Variants in MAGI2 observed in about 807,000 individuals in gnomAD.
The protein encoded by MAGI2 is membrane associated guanylate kinase, WW and PDZ domain containing 2, also known as membrane-associated guanylate kinase, WW and PDZ domain-containing protein 2.
MAGI2 carries 35 observed loss-of-function variants against 133.3 expected under a neutral mutation model. The ratio of observed to expected loss-of-function variants is 0.26; its 90% CI spans 0.20 to 0.35. MAGI2 has a LOEUF of 0.35. Among genes scored for constraint, MAGI2 ranks in the 10% least tolerant of loss-of-function variants. The pLI is 1.00. For missense variants in MAGI2, 1,636 were observed against 1,863.4 expected (o/e 0.88, Z 2.25); for synonymous variants, 729 against 710.6 (o/e 1.03, Z -0.41).
At chr7:78,872,462 C>G (rs899287238) in intron 2 of MAGI2, among the ~76,000 whole-genome samples, 1 of 152,078 alleles carries the variant, frequency 6.6e-6, no homozygotes, top group Non-Finnish European at 1.5e-5. Flanking sequence ...ATTCAACATA[C>G]ATTCTTTGAA....
In MAGI2 at chr7:78,053,091, C is replaced by G. The variant is rs138082617; in HGVS notation, c.3706+25856G>C. On this transcript the variant is annotated intron_variant, in intron 21 of 21. Coordinates refer to ENST00000354212, the MANE Select transcript of MAGI2 (RefSeq NM_012301.4). ...TTTTAAAAAGAGAATTATTTTACCT[C>G]TTTTGATTATTTTCTGTTTTTGAGG... is the stretch of plus-strand genomic sequence containing the variant. 4.9e-3 allele frequency among the ~76,000 whole-genome samples: 744 copies of G among 152,216 alleles called. 4 individuals are homozygous for G. The highest frequency in any genetic ancestry group is 0.018 in the African/African-American group (728 of 41,520).
chr7:79,150,745 G>A (rs1281281365), intron 1 of MAGI2, among the ~76,000 whole-genome samples: 3 of 151,734 alleles, frequency 2.0e-5, no homozygotes, highest in African/African-American at 7.3e-5. Flanking sequence ...ATTTCAGGAT[G>A]TCAAGCTTGA....
In MAGI2 at chr7:78,095,133, G is replaced by A. The variant is rs73706516; in HGVS notation, c.3568-16048C>T. ...TTGTGCCAGGTCATGTTAGATGCTG[G>A]GGATAGGGTAAGAAGACATCAAGGA... On this transcript the variant is annotated intron_variant, in intron 20 of 21. Transcript: ENST00000354212. 6.8e-3 allele frequency among the ~76,000 whole-genome samples: 1,038 copies of A among 152,284 alleles called. 13 individuals are homozygous for A. The highest frequency in any genetic ancestry group is 0.023 in the African/African-American group (973 of 41,550).
rs148891844 is a variant in MAGI2, at chr7:79,157,168, T to C, written c.302-149962A>G. On this transcript the variant is annotated intron_variant, in intron 1 of 21. Coordinates refer to ENST00000354212, the MANE Select transcript of MAGI2 (RefSeq NM_012301.4). Reference sequence around the variant, plus strand: ...CGCATTTGCATGAGAAACTGAACTGTTGTTTTCATATGTAAATAAGAGACT... The same window carrying C: ...CGCATTTGCATGAGAAACTGAACTGCTGTTTTCATATGTAAATAAGAGACT... 1.6e-4 allele frequency among the ~76,000 whole-genome samples: 24 copies of C among 152,178 alleles called. No homozygotes were observed. In the East Asian group the frequency reaches 3.9e-3, roughly 25 times the overall value.
chr7:78,329,477 G>A lies in MAGI2; in HGVS notation c.1408+14301C>T, dbSNP rs57957224. 3.1e-3 allele frequency among the ~76,000 whole-genome samples: 465 copies of A among 152,270 alleles called. 2 individuals are homozygous for A. The highest frequency in any genetic ancestry group is 0.01 in the Middle Eastern group (3 of 294). ...CATACCTGTGGATGATGACACATAT[G>A]TGCATATATATACAATTGAACTTTT... On this transcript the variant is annotated intron_variant, in intron 9 of 21. Coordinates refer to ENST00000354212, the MANE Select transcript of MAGI2 (RefSeq NM_012301.4).
chr7:79,050,180 G>A (rs770202271), intron 1 of MAGI2, among the ~76,000 whole-genome samples: 8 of 152,102 alleles, frequency 5.3e-5, no homozygotes, highest in Admixed American at 2.0e-4. Flanking sequence ...ATGAATACAT[G>A]TGAATTTGGG....
At chr7:79,368,912 A>G (rs1422077829) in intron 1 of MAGI2, among the ~76,000 whole-genome samples, 1 of 151,804 alleles carries the variant, frequency 6.6e-6, no homozygotes, top group Non-Finnish European at 1.5e-5. Context: ...CTAAGCCACA[A>G]AATAGAAAGT....
At chr7:78,423,457 T>G (rs918687337) in intron 6 of MAGI2, among the ~76,000 whole-genome samples, 7 of 152,182 alleles carry the variant, frequency 4.6e-5, no homozygotes, top group Non-Finnish European at 8.8e-5. Context: ...GAAAACAGAC[T>G]AATACAGTAA....
intron 1 of MAGI2, among the ~76,000 whole-genome samples, chr7:79,230,118 G>A (rs1252216506): frequency 6.6e-6 from 1 of 151,352 alleles, no homozygotes; most frequent in Non-Finnish European, 1.5e-5. Flanking sequence ...CAAAGGACAT[G>A]AACTCATCAT....
intron 1 of MAGI2, among the ~76,000 whole-genome samples, chr7:79,197,090 GT>G (rs1828154303): frequency 6.6e-6 from 1 of 151,750 alleles, no homozygotes; most frequent in Non-Finnish European, 1.5e-5. Flanking sequence ...CCAGAAGTTT[GT>G]TTTTTACATC....
chr7:79,357,763 C>A (rs1842120062), intron 1 of MAGI2, among the ~76,000 whole-genome samples: 1 of 152,154 alleles, frequency 6.6e-6, no homozygotes, highest in Admixed American at 6.6e-5. Flanking sequence ...ATATACCTAC[C>A]ATTGCCATTT....
chr7:78,281,280 A>G (rs988831343), intron 9 of MAGI2, among the ~76,000 whole-genome samples: 8 of 152,094 alleles, frequency 5.3e-5, no homozygotes, highest in Non-Finnish European at 1.0e-4. Flanking sequence ...GTCCCCACCC[A>G]AAATCTCATC....
At chr7:78,384,007 T>C (rs1585075457) in intron 6 of MAGI2, among the ~76,000 whole-genome samples, 1 of 152,200 alleles carries the variant, frequency 6.6e-6, no homozygotes, top group South Asian at 2.1e-4. Context: ...CCTTGTAATA[T>C]ATTTTGAAGT....
intron 6 of MAGI2, among the ~76,000 whole-genome samples, chr7:78,483,893 T>G (rs745832046): frequency 6.6e-6 from 1 of 151,978 alleles, no homozygotes; most frequent in African/African-American, 2.4e-5. Context: ...TAGTTAATAC[T>G]GTTAGGATCT....
At chr7:79,238,887 C>T (rs1050701217) in intron 1 of MAGI2, among the ~76,000 whole-genome samples, 1 of 152,010 alleles carries the variant, frequency 6.6e-6, no homozygotes, top group African/African-American at 2.4e-5. Flanking sequence ...TCATCTCTCT[C>T]AATACATTTT....
At chr7:79,085,227 GTTCT>G (rs1816383160) in intron 1 of MAGI2, among the ~76,000 whole-genome samples, 1 of 151,620 alleles carries the variant, frequency 6.6e-6, no homozygotes, top group Non-Finnish European at 1.5e-5. Context: ...AAGTTAACTA[GTTCT>G]TTCTTCTGCT....
chr7:78,282,525 ACTAT>A (rs74347605), intron 9 of MAGI2, among the ~76,000 whole-genome samples: 36 of 152,076 alleles, frequency 2.4e-4, no homozygotes, highest in Middle Eastern at 3.4e-3. Flanking sequence ...AAGAATATTT[ACTAT>A]CTATCTATCT....
At chr7:78,887,891 T>C (rs570021181) in intron 2 of MAGI2, among the ~76,000 whole-genome samples, 5 of 152,276 alleles carry the variant, frequency 3.3e-5, no homozygotes, top group African/African-American at 1.2e-4. Context: ...CGCAGGACAG[T>C]GGGTGCAGCG....
At chr7:79,004,243 T>G (rs1807197819) in intron 2 of MAGI2, among the ~76,000 whole-genome samples, 1 of 152,116 alleles carries the variant, frequency 6.6e-6, no homozygotes, top group Non-Finnish European at 1.5e-5. Context: ...ACATAAAATG[T>G]GGTATATATA....
Sources: gnomAD v4.1 joint callset for allele counts (sites outside exome capture counted in the v4.1 genomes callset) on GRCh38, gnomAD v4.1.1 for gene constraint, MANE v1.5 for transcripts, NCBI Gene and HGNC (gene_info 2026-07-23, HGNC 2026-07-21) for gene names.